ACOT11: variants seen among roughly 807,000 people sequenced by gnomAD.
ACOT11 encodes acyl-CoA thioesterase 11, also known as acyl-coenzyme A thioesterase 11.
In ACOT11, 69 loss-of-function variants were observed where a neutral mutation model predicts 77.5. That is an observed-to-expected ratio of 0.89 (90% CI 0.73 to 1.09). The LOEUF is 1.09. ACOT11 is among the 50% of genes least tolerant of loss of function. ACOT11 has a pLI of 0.00. For missense variants in ACOT11, 766 were observed against 813.7 expected (o/e 0.94, Z 0.71); for synonymous variants, 279 against 313.0 (o/e 0.89, Z 1.15).
In ACOT11 at chr1:54,584,708, G is replaced by C. The variant is rs139402332; in HGVS notation, c.87G>C (p.Ala29=). Residue 29 remains alanine, a synonymous_variant, in exon 2 of 16, where the codon GCG becomes GCC. Transcript: ENST00000343744. The surrounding 1 kb of genome is among the most constrained non-coding windows in gnomAD (Gnocchi z 6.3). ...NRTSRKSALR[A]GNDSAMADGE... Reference sequence around the variant, plus strand: ...CATCCCGGAAGTCAGCCTTACGTGCGGGGAACGACAGTGCCATGGCAGACG... The same window carrying C: ...CATCCCGGAAGTCAGCCTTACGTGCCGGGAACGACAGTGCCATGGCAGACG... 2 of 1,614,038 alleles carry C rather than the reference G, an allele frequency of 1.2e-6. No individual in the cohort carries two copies. The highest frequency in any genetic ancestry group is 2.7e-5 in the African/African-American group (2 of 74,918).
At chr1:54,615,902 C>G (rs764483457) in intron 15 of ACOT11, 2 of 1,060,450 alleles carry the variant, frequency 1.9e-6, no homozygotes, top group Non-Finnish European at 2.8e-6. Flanking sequence ...ATGAGAAAGC[C>G]AAGGCAATGA....
chr1:54,592,623 C>A lies in ACOT11; in HGVS notation c.372+17C>A. The A allele has an allele frequency of 6.2e-7, 1 of 1,612,858 alleles. No homozygotes were observed. Among genetic ancestry groups the A allele is most frequent in the Non-Finnish European group, 8.5e-7 (1 of 1,179,402 alleles). On this transcript the variant is annotated intron_variant, in intron 4 of 15. Transcript: ENST00000343744. ...AGCATGGAGGTGTGTGGGGTGGGCA[C>A]TGCTTGGGAGTGGGTGCGTGGGTGG...
At chr1:54,593,461 T>G (rs1654784303) in intron 4 of ACOT11, among the ~76,000 whole-genome samples, 1 of 139,254 alleles carries the variant, frequency 7.2e-6, no homozygotes, top group Admixed American at 7.0e-5. Context: ...GTGTGTGGTT[T>G]TTTTTTTTTT....
chr1:54,634,062 G>T (rs919598256), intron 16 of ACOT11, among the ~76,000 whole-genome samples: 1 of 152,086 alleles, frequency 6.6e-6, no homozygotes, highest in African/African-American at 2.4e-5. Flanking sequence ...ACTATGATAG[G>T]GATTGGGAGA....
intron 2 of ACOT11, among the ~76,000 whole-genome samples, chr1:54,585,140 T>C (rs41351245): frequency 0.011 from 1,668 of 152,302 alleles, 26 homozygotes; most frequent in African/African-American, 0.038. Flanking sequence ...CTGCTTCAGA[T>C]TGGCTTGGAG....
intron 1 of ACOT11, among the ~76,000 whole-genome samples, chr1:54,567,032 C>T (rs777045848): frequency 3.9e-5 from 6 of 152,168 alleles, no homozygotes; most frequent in Non-Finnish European, 5.9e-5. Flanking sequence ...TTTACCACAA[C>T]GTCTCAAAAT....
exon 17 of ACOT11, chr1:54,634,829 A>C: frequency 3.1e-6 from 2 of 648,470 alleles, no homozygotes; most frequent in East Asian, 5.6e-5. Context: ...GAGGACTCCA[A>C]CTATCATGAG....
In ACOT11 at chr1:54,605,223, G is replaced by C; in HGVS notation, c.1370+14G>C. On this transcript the variant is annotated intron_variant, in intron 13 of 15. Transcript: ENST00000343744. ...CAAGCACTACCGGTGAGGGGCCAGG[G>C]TGAGGGCAGGGCAGTGTCCCTTCTC... 1 of 1,611,204 alleles carries C rather than the reference G, an allele frequency of 6.2e-7. No individual in the cohort carries two copies.
At chr1:54,618,246 G>T (rs1387759747) in intron 15 of ACOT11, among the ~76,000 whole-genome samples, 1 of 152,154 alleles carries the variant, frequency 6.6e-6, no homozygotes, top group Non-Finnish European at 1.5e-5. Context: ...GCTCAGACCT[G>T]TAATCCTAGC....
intron 1 of ACOT11, among the ~76,000 whole-genome samples, chr1:54,573,494 A>G (rs1176219848): frequency 1.3e-5 from 2 of 152,244 alleles, no homozygotes; most frequent in Admixed American, 6.5e-5. Flanking sequence ...GCACTTTGGG[A>G]GGCCAAGGCA....
At position 54,609,330 on chromosome 1, in the gene ACOT11, C is replaced by T. The variant is rs1225145559; in HGVS notation, c.*218C>T. On this transcript the variant is annotated 3_prime_UTR_variant, in exon 16 of 16. Coordinates refer to ENST00000343744, the MANE Select transcript of ACOT11 (RefSeq NM_147161.4). ...TAGCCCTGGGGTAGCCTGTAGTAGA[C>T]TCGGGTCCTGTCCACAGCCCTAGCT... 6.2e-7 allele frequency: 1 copy of T among 1,613,678 alleles called. No homozygotes were observed. Among genetic ancestry groups the T allele is most frequent in the Admixed American group, 1.7e-5 (1 of 60,002 alleles).
chr1:54,621,265 T>C (rs1644227840), intron 15 of ACOT11, among the ~76,000 whole-genome samples: 1 of 152,016 alleles, frequency 6.6e-6, no homozygotes, highest in South Asian at 2.1e-4. Flanking sequence ...ACGATCAGCC[T>C]GGCCAACATG....
intron 1 of ACOT11, chr1:54,582,312 C>T (rs1654338442): frequency 8.1e-6 from 3 of 369,400 alleles, no homozygotes; most frequent in Non-Finnish European, 1.1e-5. Context: ...ACTTGAGGGA[C>T]ACAGGTAGAA....
intron 1 of ACOT11, chr1:54,573,148 G>A (rs1653982403): frequency 1.0e-6 from 1 of 985,340 alleles, no homozygotes; most frequent in African/African-American, 1.7e-5. Context: ...TAGCATGTCT[G>A]GTTAAGGAAG....
chr1:54,561,914 A>AC (rs1356831218), intron 1 of ACOT11, among the ~76,000 whole-genome samples: 8 of 31,466 alleles, frequency 2.5e-4, no homozygotes, highest in East Asian at 8.1e-4. Flanking sequence ...AGGGGGGCTG[A>AC]CCCCCCCCCC....
chr1:54,562,547 C>A (rs1332136883), intron 1 of ACOT11, among the ~76,000 whole-genome samples: 1 of 96,500 alleles, frequency 1.0e-5, no homozygotes, highest in African/African-American at 4.4e-5. Context: ...GGGGGCTGAC[C>A]CACCCCCCAC....
chr1:54,614,879 G>T, downstream of ACOT11: 1 of 1,610,354 alleles, frequency 6.2e-7, no homozygotes, highest in Non-Finnish European at 8.5e-7. Context: ...AAGGAACAAG[G>T]GCTTGGGGAA....
At chr1:54,593,144 C>A (rs1052953694) in intron 4 of ACOT11, among the ~76,000 whole-genome samples, 9 of 152,164 alleles carry the variant, frequency 5.9e-5, no homozygotes, top group African/African-American at 2.2e-4. Flanking sequence ...GACTTCAGGC[C>A]CAGGCAACTT....
intron 1 of ACOT11, among the ~76,000 whole-genome samples, chr1:54,551,023 C>G (rs1653045755): frequency 6.6e-6 from 1 of 151,510 alleles, no homozygotes; most frequent in South Asian, 2.1e-4. Context: ...TCCTATAGTC[C>G]CAGCTACTCG....
Sources: allele counts gnomAD v4.1 joint callset (sites outside exome capture counted in the v4.1 genomes callset), GRCh38; gene constraint gnomAD v4.1.1; non-coding constraint Gnocchi (gnomAD v3.1); transcripts MANE v1.5; gene names NCBI Gene and HGNC (gene_info 2026-07-23, HGNC 2026-07-21).